Variants in PLCH1 observed in about 807,000 individuals in gnomAD.
The protein encoded by PLCH1 is phospholipase C eta 1, also known as 1-phosphatidylinositol 4,5-bisphosphate phosphodiesterase eta-1.
A neutral mutation model predicts 126.7 loss-of-function variants in PLCH1; 60 were observed. The observed-to-expected ratio is 0.47, with a 90% confidence interval of 0.38 to 0.59. The LOEUF (loss-of-function observed/expected upper bound fraction) is 0.59. Ranked by LOEUF, PLCH1 falls within the 20% of genes least tolerant of loss-of-function variation. The pLI, the probability that PLCH1 is intolerant of heterozygous loss-of-function variation, is 0.00. For missense variants in PLCH1, 1,723 were observed against 2,040.0 expected (o/e 0.84, Z 2.99); for synonymous variants, 719 against 734.9 (o/e 0.98, Z 0.35).
At chr3:155,538,937 G>C (rs1374875521) in intron 10 of PLCH1, among the ~76,000 whole-genome samples, 1 of 89,134 alleles carries the variant, frequency 1.1e-5, no homozygotes, top group East Asian at 2.3e-4. Flanking sequence ...AACCAGAAAA[G>C]GACATAACAA....
In PLCH1 at chr3:155,483,008, T is replaced by C; in HGVS notation, c.3018A>G (p.Lys1006=). 1 of 1,613,904 alleles carries C rather than the reference T, an allele frequency of 6.2e-7. No homozygotes were observed. Among genetic ancestry groups the C allele is most frequent in the East Asian group, 2.2e-5 (1 of 44,886 alleles). The part of the protein sequence containing the change: ...DGRRKGKASI[K]DPHFLNFNKK... ...TGTTGAAATTTAGAAAATGTGGATC[T>C]TTTATACTTGCTTTCCCTTTTCTTC... The change falls in exon 23 of 23, where the codon AAA becomes AAG. Residue 1006 remains lysine, a synonymous_variant. Coordinates refer to ENST00000460012, the MANE Select transcript of PLCH1 (RefSeq NM_014996.4).
At chr3:155,638,887 T>C (rs1466229235) in intron 2 of PLCH1, among the ~76,000 whole-genome samples, 3 of 152,150 alleles carry the variant, frequency 2.0e-5, no homozygotes, top group Admixed American at 6.6e-5. Flanking sequence ...TGCCATAATA[T>C]TGGAACAAGA....
Position 155,637,751 on chromosome 3 carries a change from C to T in PLCH1, c.80-41373G>A, listed in dbSNP as rs541504073. Among the ~76,000 whole-genome samples, 12 of 152,206 alleles carry T rather than the reference C, an allele frequency of 7.9e-5. No homozygotes were observed. The East Asian group carries it at 2.3e-3, about 29-fold the overall frequency. ...TACATCAATAACACTTTCCCAAAAC[C>T]CAAGAAAGAACCTCTCACCTACTTT... is the stretch of plus-strand genomic sequence containing the variant. On this transcript the variant is annotated intron_variant, in intron 2 of 22. Transcript: ENST00000460012.
intron 2 of PLCH1, among the ~76,000 whole-genome samples, chr3:155,697,191 G>A (rs536584862): frequency 6.6e-6 from 1 of 152,256 alleles, no homozygotes; most frequent in East Asian, 1.9e-4. Flanking sequence ...CATTGCTTGG[G>A]TCTGATCAAT....
chr3:155,482,938 T>C lies in PLCH1; in HGVS notation c.3088A>G (p.Ser1030Gly). The change falls in exon 23 of 23, where the codon AGC becomes GGC. Residue 1030 changes from serine (S) to glycine (G), a missense_variant. Coordinates refer to ENST00000460012, the MANE Select transcript of PLCH1 (RefSeq NM_014996.4). Reference protein sequence around the residue: ...SSSALLHKDTSQGDTIVSTAH... With the variant: ...SSSALLHKDTGQGDTIVSTAH... ...GTAGATACAATGGTGTCCCCTTGGC[T>C]GGTATCTTTGTGGAGCAGAGCACTG... The C allele has an allele frequency of 6.2e-7, 1 of 1,614,176 alleles. No homozygotes were observed. Among genetic ancestry groups the C allele is most frequent in the Non-Finnish European group, 8.5e-7 (1 of 1,180,006 alleles).
intron 21 of PLCH1, among the ~76,000 whole-genome samples, chr3:155,453,960 T>C (rs1156296411): frequency 6.6e-6 from 1 of 151,948 alleles, no homozygotes; most frequent in Non-Finnish European, 1.5e-5. Flanking sequence ...GGAAAAAAAT[T>C]AAAATTGTAC....
At chr3:155,729,899 TGG>T (rs1452778783) in intron 1 of PLCH1, among the ~76,000 whole-genome samples, 1 of 139,272 alleles carries the variant, frequency 7.2e-6, no homozygotes, top group Non-Finnish European at 1.5e-5. Flanking sequence ...TACTCCCGCG[TGG>T]GTGACACAGC....
intron 2 of PLCH1, among the ~76,000 whole-genome samples, chr3:155,636,251 T>G (rs560410461): frequency 6.6e-6 from 1 of 152,216 alleles, no homozygotes; most frequent in Admixed American, 6.5e-5. Flanking sequence ...TTCCCTGGAA[T>G]AGGATTAACC....
chr3:155,546,394 C>T (rs1725288168), intron 10 of PLCH1, among the ~76,000 whole-genome samples: 1 of 152,114 alleles, frequency 6.6e-6, no homozygotes, highest in East Asian at 1.9e-4. Context: ...AAAGAGGATA[C>T]AAACAAATGG....
intron 2 of PLCH1, among the ~76,000 whole-genome samples, chr3:155,617,602 G>A (rs372080440): frequency 5.3e-5 from 8 of 152,244 alleles, no homozygotes; most frequent in African/African-American, 1.9e-4. Flanking sequence ...GAAACTATTT[G>A]TGAGTATTCT....
Position 155,568,247 on chromosome 3 carries a change from AT to A in PLCH1, c.848del (p.Asn283MetfsTer5). 1.0e-5 allele frequency: 15 copies of A among 1,428,824 alleles called. No individual in the cohort carries two copies. The highest frequency in any genetic ancestry group is 1.3e-5 in the Non-Finnish European group (13 of 1,013,332). The allele number at this position is 1,428,824 out of a possible 1,614,324, so 88.5% of individuals were successfully genotyped here. ...FEVSEENKVK[N>X]VLGIEGFTNF... Reference sequence around the variant, plus strand: ...TTATTTTACCTTCTATGCCAAGAACATTTTTCACCTTATTTTCTTCTGAAAC... The same window carrying A: ...TTATTTTACCTTCTATGCCAAGAACATTTTCACCTTATTTTCTTCTGAAAC... On this transcript the variant is annotated frameshift_variant, in exon 7 of 23. Coordinates refer to ENST00000460012, the MANE Select transcript of PLCH1 (RefSeq NM_014996.4). LOFTEE classifies it high-confidence loss of function.
chr3:155,553,652 A>G (rs1343001703), intron 9 of PLCH1, among the ~76,000 whole-genome samples: 2 of 152,168 alleles, frequency 1.3e-5, no homozygotes, highest in African/African-American at 4.8e-5. Flanking sequence ...GGAAATATTC[A>G]ACACTGTCAA....
chr3:155,672,169 G>C (rs1001668557), intron 2 of PLCH1, among the ~76,000 whole-genome samples: 1 of 152,134 alleles, frequency 6.6e-6, no homozygotes, highest in Non-Finnish European at 1.5e-5. Flanking sequence ...GGGAATCAAT[G>C]TCTTAAAGTT....
At chr3:155,474,115 A>T (rs2107986103) in intron 21 of PLCH1, among the ~76,000 whole-genome samples, 1 of 152,270 alleles carries the variant, frequency 6.6e-6, no homozygotes, top group Non-Finnish European at 1.5e-5. Flanking sequence ...ACAGCAAAAG[A>T]AACTACCATC....
chr3:155,464,157 G>A (rs1446941614), intron 21 of PLCH1, among the ~76,000 whole-genome samples: 1 of 152,164 alleles, frequency 6.6e-6, no homozygotes, highest in African/African-American at 2.4e-5. Flanking sequence ...AAAGGAAGAG[G>A]AGATGATGAT....
chr3:155,532,452 G>C (rs940150367), intron 10 of PLCH1, among the ~76,000 whole-genome samples: 13 of 152,142 alleles, frequency 8.5e-5, no homozygotes, highest in African/African-American at 2.7e-4. Context: ...TGGTTTGGCT[G>C]TGTCCCCACC....
At chr3:155,512,024 T>G (rs1719624306) in intron 12 of PLCH1, among the ~76,000 whole-genome samples, 1 of 151,332 alleles carries the variant, frequency 6.6e-6, no homozygotes, top group African/African-American at 2.4e-5. Flanking sequence ...CGTAGGACCC[T>G]CTGAGCCAGG....
In PLCH1 at chr3:155,481,040, T is replaced by C. The variant is rs1354526582; in HGVS notation, c.4986A>G (p.Ser1662=). ...GCTCAGTCTGCAAAACAGAATTATC[T>C]GAACAAAACTGGTCAACGTGGCCAT... ...LHYGHVDQFC[S]DNSVLQTEPS... The change falls in exon 23 of 23, where the codon TCA becomes TCG. Residue 1662 remains serine (S), a synonymous_variant. Coordinates refer to ENST00000460012, the MANE Select transcript of PLCH1 (RefSeq NM_014996.4). The surrounding 1 kb of genome is among the most constrained non-coding windows in gnomAD (Gnocchi z 4.2). The C allele has an allele frequency of 1.2e-6, 2 of 1,612,422 alleles. No individual in the cohort carries two copies. The highest frequency in any genetic ancestry group is 1.7e-6 in the Non-Finnish European group (2 of 1,178,620).
intron 6 of PLCH1, among the ~76,000 whole-genome samples, chr3:155,578,617 C>G (rs1730278908): frequency 6.6e-6 from 1 of 152,114 alleles, no homozygotes; most frequent in African/African-American, 2.4e-5. Flanking sequence ...AGTTTAGGAG[C>G]TCTGTGCCAG....
Sources: gnomAD v4.1 joint callset for allele counts (sites outside exome capture counted in the v4.1 genomes callset) on GRCh38, gnomAD v4.1.1 for gene constraint, Gnocchi (gnomAD v3.1) non-coding constraint, MANE v1.5 for transcripts, NCBI Gene and HGNC (gene_info 2026-07-23, HGNC 2026-07-21) for gene names.